The following LAMA5 variants were observed in gnomAD, a reference collection of about 807,000 sequenced individuals.
LAMA5 encodes the protein laminin subunit alpha-5.
A neutral mutation model predicts 433.4 loss-of-function variants in LAMA5; 260 were observed. The ratio of observed to expected loss-of-function variants is 0.60; its 90% CI spans 0.54 to 0.66. The LOEUF (loss-of-function observed/expected upper bound fraction) is 0.66, where lower values mean the gene tolerates loss of function less well. Ranked by LOEUF, LAMA5 falls within the 30% of genes least tolerant of loss-of-function variation. The pLI is 0.00. For synonymous variants in LAMA5, 2,620 were observed against 2,226.6 expected (o/e 1.18, Z -4.97); for missense variants, 5,378 against 5,258.5 (o/e 1.02, Z -0.70).
At position 62,318,490 on chromosome 20, in the gene LAMA5, G is replaced by C. The variant is rs769276610; in HGVS notation, c.7203C>G (p.Leu2401=). Residue 2401 remains leucine, a synonymous_variant, in exon 53 of 80, where the codon CTC becomes CTG. Coordinates refer to ENST00000252999, the MANE Select transcript of LAMA5 (RefSeq NM_005560.6). ...AVDATREAQE[L]NSRNQERLEE... ...CCAGGCGCTCCTGGTTGCGGCTGTT[G>C]AGCTCCTGGGCCTCCCGTGTGGCGT... 6.2e-7 allele frequency: 1 copy of C among 1,608,154 alleles called. No individual in the cohort carries two copies. The highest frequency in any genetic ancestry group is 8.5e-7 in the Non-Finnish European group (1 of 1,178,708).
rs565353676 is a variant in LAMA5, at chr20:62,317,859, G to A, written c.7240-81C>T. The A allele has an allele frequency of 2.6e-5, 7 of 272,942 alleles. No homozygotes were observed. In the East Asian group the frequency reaches 7.8e-4, roughly 30 times the overall value. 16.9% of individuals were successfully genotyped at this position (272,942 alleles called of 1,614,324 possible). A position where few individuals can be genotyped will look rare whatever the true frequency, so the allele number is the denominator to read the frequency against. On this transcript the variant is annotated intron_variant, in intron 53 of 79. Transcript: ENST00000252999. ...TGTGATGGGGTGGACAGCAGGGCAG[G>A]GAAGGGAGAAGAAAAGAGGGGGAGT...
chr20:62,342,407 G>A (rs1298475985), intron 11 of LAMA5: 20 of 272,344 alleles, frequency 7.3e-5, no homozygotes, highest in Non-Finnish European at 1.1e-4. Flanking sequence ...ACCAGGCTCA[G>A]TGGCTCACAC....
At chr20:62,314,470 T>TGGGGACCGGGGACC (rs761149949) in intron 61 of LAMA5, 30 bp from the exon 62 acceptor site, 2 of 1,612,408 alleles carry the variant, frequency 1.2e-6, no homozygotes, top group Non-Finnish European at 1.7e-6. Flanking sequence ...ACAGTCGGGA[T>TGGGGACCGGGGACC]GGGGACCGGG....
chr20:62,309,395 TGGCGACGG>T lies in LAMA5; in HGVS notation c.11021_11028del (p.Pro3674HisfsTer55). The T allele has an allele frequency of 6.3e-7, 1 of 1,588,608 alleles. No individual in the cohort carries two copies. Among genetic ancestry groups the T allele is most frequent in the South Asian group, 1.1e-5 (1 of 88,632 alleles). On this transcript the variant is annotated frameshift_variant, in exon 80 of 80. Transcript: ENST00000252999. LOFTEE classifies it low-confidence loss of function (END_TRUNC). Reference sequence around the variant, plus strand: ...CCGTGGACCTCCACAGAGCGAGTCATGGCGACGGGGGACCGGTTCACCGCCAGCCTCCT... The same window carrying T: ...CCGTGGACCTCCACAGAGCGAGTCATGGGACCGGTTCACCGCCAGCCTCCT...
intron 35 of LAMA5, 110 bp from the exon 36 acceptor site, chr20:62,328,120 G>A (rs1979646795): frequency 2.6e-6 from 4 of 1,524,274 alleles, no homozygotes; most frequent in Non-Finnish European, 3.5e-6. Context: ...GTGGAGGAGA[G>A]GGCGCTGCTG....
At chr20:62,347,816 G>A (rs1015588982) in intron 6 of LAMA5, among the ~76,000 whole-genome samples, 1 of 152,210 alleles carries the variant, frequency 6.6e-6, no homozygotes, top group South Asian at 2.1e-4. Context: ...AGTCCATGAG[G>A]ATTAGACCCA....
At chr20:62,321,222 TGGA>T (rs1256829108) in intron 48 of LAMA5, among the ~76,000 whole-genome samples, 10 of 3,428 alleles carry the variant, frequency 2.9e-3, no homozygotes, top group East Asian at 6.5e-3. Flanking sequence ...AGGGGGCCAG[TGGA>T]GGAGGCGGGG....
intron 51 of LAMA5, 151 bp from the exon 52 acceptor site, chr20:62,319,164 G>T: frequency 1.4e-6 from 1 of 738,798 alleles, no homozygotes; most frequent in Non-Finnish European, 2.1e-6. Context: ...AGAGCACCTG[G>T]CGAAAGGCCA....
At chr20:62,311,893 C>A in intron 70 of LAMA5, 27 bp downstream of exon 70, 2 of 1,584,132 alleles carry the variant, frequency 1.3e-6, no homozygotes, top group South Asian at 1.1e-5. Context: ...CAGACCTTCA[C>A]GATGAGGGCC....
At chr20:62,314,257 A>G in intron 62 of LAMA5, 47 bp downstream of exon 62, 5 of 1,588,916 alleles carry the variant, frequency 3.1e-6, no homozygotes, top group Non-Finnish European at 3.4e-6. Context: ...CGAACGGGCA[A>G]GGGCCCTGCA....
chr20:62,347,642 C>G (rs142257395), intron 6 of LAMA5, among the ~76,000 whole-genome samples: 1 of 152,176 alleles, frequency 6.6e-6, no homozygotes, highest in Non-Finnish European at 1.5e-5. Context: ...TCTTGCCTTA[C>G]GTCCCGTGGG....
intron 16 of LAMA5, among the ~76,000 whole-genome samples, chr20:62,337,381 C>T (rs548012340): frequency 4.6e-5 from 7 of 152,350 alleles, no homozygotes; most frequent in South Asian, 2.1e-4. Flanking sequence ...ACACGACAGG[C>T]GCGGATGCAC....
intron 28 of LAMA5, among the ~76,000 whole-genome samples, chr20:62,331,659 C>T (rs920431528): frequency 5.9e-5 from 9 of 152,240 alleles, no homozygotes; most frequent in South Asian, 2.1e-4. Flanking sequence ...GCTCCCTTTC[C>T]GTGCGGCCAT....
At position 62,309,271 on chromosome 20, in the gene LAMA5, G is replaced by A. The variant is rs1985798103; in HGVS notation, c.*65C>T. The A allele has an allele frequency of 1.3e-6, 2 of 1,521,572 alleles. No homozygotes were observed. The highest frequency in any genetic ancestry group is 1.8e-6 in the Non-Finnish European group (2 of 1,125,064). 94.3% of individuals were successfully genotyped at this position (1,521,572 alleles called of 1,614,324 possible). ...TAGAGTCCAAATAGACACCTATGAGGCGAGCACAAGGGGCGGTGTGAGGCA... is the reference window on the plus strand; with the variant it reads ...TAGAGTCCAAATAGACACCTATGAGACGAGCACAAGGGGCGGTGTGAGGCA... On this transcript the variant is annotated 3_prime_UTR_variant, in exon 80 of 80. Transcript: ENST00000252999.
intron 43 of LAMA5, 46 bp from the exon 44 acceptor site, chr20:62,323,902 G>C (rs745520322): frequency 6.5e-7 from 1 of 1,542,188 alleles, no homozygotes. Flanking sequence ...GGCAGTGCCC[G>C]GGCCCGGGCG....
Position 62,333,379 on chromosome 20 carries a change from C to A in LAMA5, c.3124G>T (p.Asp1042Tyr), listed in dbSNP as rs141573440. 4.3e-5 allele frequency: 69 copies of A among 1,612,586 alleles called. No individual in the cohort carries two copies. In the African/African-American group the frequency reaches 8.7e-4, roughly 20 times the overall value. The part of the protein sequence containing the change: ...TYRPSAQQSG[D>Y]NCLLYTHLPL... ...CACCGCACGCATGGCCCTCACTTGT[C>A]GCCAGACTGCTGGGCAGAGGGACGG... Residue 1042 changes from aspartate to tyrosine, a missense_variant, in exon 25 of 80, where the codon GAC becomes TAC. Transcript: ENST00000252999.
In LAMA5 at chr20:62,351,695, G is replaced by A. The variant is rs1487214090; in HGVS notation, c.956+9C>T. 1 of 1,609,896 alleles carries A rather than the reference G, an allele frequency of 6.2e-7. No individual in the cohort carries two copies. Among genetic ancestry groups the A allele is most frequent in the South Asian group, 1.1e-5 (1 of 90,228 alleles). Reference sequence around the variant, plus strand: ...ACCTGAACGGGGCCTCACCTGAATGGGGCCTCACCTGAACGGGTCCGTGGG... The same window carrying A: ...ACCTGAACGGGGCCTCACCTGAATGAGGCCTCACCTGAACGGGTCCGTGGG... On this transcript the variant is annotated intron_variant, in intron 6 of 79. Coordinates refer to ENST00000252999, the MANE Select transcript of LAMA5 (RefSeq NM_005560.6).
intron 2 of LAMA5, among the ~76,000 whole-genome samples, chr20:62,360,062 C>T (rs946213628): frequency 6.6e-6 from 1 of 151,130 alleles, no homozygotes; most frequent in Non-Finnish European, 1.5e-5. Flanking sequence ...GCCCCAGCCC[C>T]GCCCCAGGAT....
At chr20:62,347,192 C>T (rs979609843) in intron 6 of LAMA5, among the ~76,000 whole-genome samples, 164 bp from the exon 7 acceptor site, 1 of 152,188 alleles carries the variant, frequency 6.6e-6, no homozygotes, top group Non-Finnish European at 1.5e-5. Context: ...AAGCGCTCGC[C>T]CAGACTCAGC....
Sources: gnomAD v4.1 joint callset for allele counts (sites outside exome capture counted in the v4.1 genomes callset) on GRCh38, gnomAD v4.1.1 for gene constraint, MANE v1.5 for transcripts, NCBI Gene and HGNC (gene_info 2026-07-23, HGNC 2026-07-21) for gene names.